GOSR1: variants seen among roughly 807,000 people sequenced by gnomAD.
GOSR1 encodes the protein 28 kDa Golgi SNARE protein.
In GOSR1, 21 loss-of-function variants were observed where a neutral mutation model predicts 35.5. The ratio of observed to expected loss-of-function variants is 0.59; its 90% CI spans 0.42 to 0.85. The LOEUF (loss-of-function observed/expected upper bound fraction) is 0.85, where lower values mean the gene tolerates loss of function less well. GOSR1 is among the 40% of genes least tolerant of loss of function. The pLI, the probability that GOSR1 is intolerant of heterozygous loss-of-function variation, is 0.00. For synonymous variants in GOSR1, 94 were observed against 106.6 expected, an observed-to-expected ratio of 0.88 and a Z score of 0.73; for missense variants, 285 against 309.6, an observed-to-expected ratio of 0.92 and a Z score of 0.60.
intron 1 of GOSR1, chr17:30,478,026 A>G: frequency 1.6e-6 from 1 of 638,704 alleles, no homozygotes; most frequent in Non-Finnish European, 1.9e-6. Context: ...TGTTTGAAGG[A>G]GGAGAAAATA....
At chr17:30,493,281 A>C (rs1185471332) in intron 6 of GOSR1, among the ~76,000 whole-genome samples, 1 of 152,182 alleles carries the variant, frequency 6.6e-6, no homozygotes, top group African/African-American at 2.4e-5. Flanking sequence ...GGCGTGAGCC[A>C]CCACCGCACC....
At chr17:30,482,408 G>A (rs1010889165) in intron 2 of GOSR1, among the ~76,000 whole-genome samples, 1 of 152,062 alleles carries the variant, frequency 6.6e-6, no homozygotes, top group African/African-American at 2.4e-5. Flanking sequence ...TTATATGTTA[G>A]GTAAGAGCTT....
intron 4 of GOSR1, among the ~76,000 whole-genome samples, chr17:30,489,539 T>C (rs148904243): frequency 0.014 from 2,070 of 152,320 alleles, 42 homozygotes; most frequent in African/African-American, 0.047. Flanking sequence ...GTTACTTTTG[T>C]TTTTTAAAAG....
intron 7 of GOSR1, among the ~76,000 whole-genome samples, chr17:30,516,959 C>T (rs1284986217): frequency 2.6e-5 from 4 of 152,216 alleles, no homozygotes; most frequent in Non-Finnish European, 5.9e-5. Context: ...AAGTGATCCA[C>T]CTGCCTTGGC....
At position 30,485,848 on chromosome 17, in the gene GOSR1, CCT is replaced by C. The variant is rs530362993; in HGVS notation, c.342+1079_342+1080del. ...ACCAGCCTGGCCAACATGGCGAAAC[CCT>C]GTCTCTACTAAAAGTATAAAAATAA... On this transcript the variant is annotated intron_variant, in intron 4 of 8. Transcript: ENST00000451249. 4.6e-4 allele frequency among the ~76,000 whole-genome samples: 70 copies of C among 151,796 alleles called. No homozygotes were observed. In the South Asian group the frequency reaches 0.013, roughly 28 times the overall value.
At position 30,484,930 on chromosome 17, in the gene GOSR1, G is replaced by A. The variant is rs563689289; in HGVS notation, c.342+160G>A. On this transcript the variant is annotated intron_variant, in intron 4 of 8. Coordinates refer to ENST00000451249, the MANE Select transcript of GOSR1 (RefSeq NM_001007025.2). ...AAGGGACTTGTTTTACTTTTTTTTGGGGTCACCATTATAAAATTCTGAAAA... is the reference window on the plus strand; with the variant it reads ...AAGGGACTTGTTTTACTTTTTTTTGAGGTCACCATTATAAAATTCTGAAAA... The A allele has an allele frequency of 2.4e-5, 16 of 659,628 alleles. No individual in the cohort carries two copies. In the South Asian group the frequency reaches 2.5e-4, roughly 10 times the overall value. The allele number at this position is 659,628 out of a possible 1,614,324, so 40.9% of individuals were successfully genotyped here.
At chr17:30,514,547 C>T (rs1967730073) in intron 7 of GOSR1, among the ~76,000 whole-genome samples, 1 of 152,212 alleles carries the variant, frequency 6.6e-6, no homozygotes, top group African/African-American at 2.4e-5. Flanking sequence ...GGCATTGCTT[C>T]TAAAGTCCAG....
Position 30,522,482 on chromosome 17 carries a change from C to G in GOSR1, c.*104C>G, listed in dbSNP as rs543901818. Reference sequence around the variant, plus strand: ...TGACTGTCTTGATAATTAGCCTGACCAGCAGGATGAATGCAAGACTGACAG... The same window carrying G: ...TGACTGTCTTGATAATTAGCCTGACGAGCAGGATGAATGCAAGACTGACAG... On this transcript the variant is annotated 3_prime_UTR_variant, in exon 9 of 9. Transcript: ENST00000451249. The G allele has an allele frequency of 1.1e-6, 1 of 913,518 alleles. No individual in the cohort carries two copies. The highest frequency in any genetic ancestry group is 2.6e-5 in the South Asian group (1 of 39,026). The allele number at this position is 913,518 out of a possible 1,614,324, so 56.6% of individuals were successfully genotyped here. A position where few individuals can be genotyped will look rare whatever the true frequency, so the allele number is the denominator to read the frequency against.
At chr17:30,502,494 A>G (rs1967247349) in intron 6 of GOSR1, among the ~76,000 whole-genome samples, 1 of 152,174 alleles carries the variant, frequency 6.6e-6, no homozygotes, top group African/African-American at 2.4e-5. Context: ...AATTCTATTC[A>G]TTTTTTAAAA....
At chr17:30,485,306 A>G (rs570906181) in intron 4 of GOSR1, among the ~76,000 whole-genome samples, 1 of 151,126 alleles carries the variant, frequency 6.6e-6, no homozygotes, top group East Asian at 1.9e-4. Context: ...TTTCTCTGTC[A>G]CTCAGGCTGG....
chr17:30,519,689 T>G, intron 7 of GOSR1: 1 of 335,520 alleles, frequency 3.0e-6, no homozygotes, highest in Admixed American at 4.8e-5. Context: ...CTTATTTTGT[T>G]TGTTATTTTG....
chr17:30,484,707 A>G lies in GOSR1; in HGVS notation c.279A>G (p.Ala93=), dbSNP rs762127989. The change falls in exon 4 of 9, where the codon GCA becomes GCG. Residue 93 remains alanine (A), a synonymous_variant. Transcript: ENST00000451249. ...NDKMAEYTNS[A]GVPSLNAALM... ...AAATGGCAGAATATACCAACAGTGCAGGTGTCCCCTCCTTGAATGCAGCCC... is the reference window on the plus strand; with the variant it reads ...AAATGGCAGAATATACCAACAGTGCGGGTGTCCCCTCCTTGAATGCAGCCC... The G allele has an allele frequency of 3.8e-6, 6 of 1,596,022 alleles. No individual in the cohort carries two copies. Among genetic ancestry groups the G allele is most frequent in the Non-Finnish European group, 5.1e-6 (6 of 1,166,890 alleles).
At chr17:30,481,042 A>G (rs1182548805) in intron 1 of GOSR1, 101 bp from the exon 2 acceptor site, 2 of 761,946 alleles carry the variant, frequency 2.6e-6, no homozygotes, top group East Asian at 5.2e-5. Flanking sequence ...TAACAAGATC[A>G]GTATATGATC....
chr17:30,513,484 T>G (rs545193970), intron 7 of GOSR1, among the ~76,000 whole-genome samples: 27 of 152,332 alleles, frequency 1.8e-4, no homozygotes, highest in African/African-American at 2.9e-4. Flanking sequence ...TGAGAAAGTA[T>G]GTCTAGATAT....
At chr17:30,485,650 C>T (rs956132680) in intron 4 of GOSR1, among the ~76,000 whole-genome samples, 1 of 152,140 alleles carries the variant, frequency 6.6e-6, no homozygotes, top group African/African-American at 2.4e-5. Context: ...AGGCATGAGC[C>T]GCTGTACCCA....
Position 30,526,117 on chromosome 17 carries a change from T to C in GOSR1, c.*3739T>C, listed in dbSNP as rs965367309. On this transcript the variant is annotated 3_prime_UTR_variant, in exon 9 of 9. Transcript: ENST00000451249. ...TTAACCACCTTGGCTTTCTCTCCTT[T>C]TTTGCTGTCCTCCTTACGGACCAGT... 3.3e-5 allele frequency: 5 copies of C among 152,240 alleles called. No homozygotes were observed. The South Asian group carries it at 1.0e-3, about 31-fold the overall frequency. 9.4% of individuals were successfully genotyped at this position (152,240 alleles called of 1,614,324 possible).
At position 30,516,529 on chromosome 17, in the gene GOSR1, C is replaced by T. The variant is rs184324247; in HGVS notation, c.540-3410C>T. Among the ~76,000 whole-genome samples the T allele has an allele frequency of 1.7e-3, 255 of 151,718 alleles. 1 individual carries two copies. The highest frequency in any genetic ancestry group is 2.3e-3 in the Admixed American group (35 of 15,206). On this transcript the variant is annotated intron_variant, in intron 7 of 8. Coordinates refer to ENST00000451249, the MANE Select transcript of GOSR1 (RefSeq NM_001007025.2). ...CTGGTAGTACCCCTCCATTCTTAAC[C>T]CCTGAAGCAACTTGTGTTAACTGAC...
chr17:30,495,400 A>C (rs1365370090), intron 6 of GOSR1: 3 of 455,352 alleles, frequency 6.6e-6, no homozygotes, highest in African/African-American at 6.0e-5. Flanking sequence ...TTCTGTATTT[A>C]CCTTAATGAA....
At chr17:30,519,141 GC>G (rs1013265962) in intron 7 of GOSR1, among the ~76,000 whole-genome samples, 1 of 151,788 alleles carries the variant, frequency 6.6e-6, no homozygotes, top group East Asian at 1.9e-4. Flanking sequence ...GCTCGCTGTA[GC>G]CCCCCCCTCC....
Sources: gnomAD v4.1 joint callset for allele counts (sites outside exome capture counted in the v4.1 genomes callset) on GRCh38, gnomAD v4.1.1 for gene constraint, MANE v1.5 for transcripts, NCBI Gene and HGNC (gene_info 2026-07-23, HGNC 2026-07-21) for gene names.